Variants in CSMD1 observed in about 807,000 individuals in gnomAD.
CSMD1 encodes CUB and sushi domain-containing protein 1.
In CSMD1, 213 loss-of-function variants were observed where a neutral mutation model predicts 417.5. The ratio of observed to expected loss-of-function variants is 0.51; its 90% CI spans 0.46 to 0.57. The LOEUF is 0.57. Among genes scored for constraint, CSMD1 ranks in the 20% least tolerant of loss-of-function variants. The pLI, the probability that CSMD1 is intolerant of heterozygous loss-of-function variation, is 0.00. For missense variants in CSMD1, 6,923 were observed against 4,529.7 expected (o/e 1.53, Z -15.17); for synonymous variants, 2,862 against 1,736.8 (o/e 1.65, Z -16.11).
At chr8:3,554,881 T>C (rs932664145) in intron 10 of CSMD1, among the ~76,000 whole-genome samples, 2 of 152,004 alleles carry the variant, frequency 1.3e-5, no homozygotes, top group Admixed American at 6.5e-5. Context: ...CCTGCAGTGG[T>C]GAGAGTGTCA....
chr8:3,712,189 A>C (rs576944064), intron 6 of CSMD1, among the ~76,000 whole-genome samples: 15 of 152,124 alleles, frequency 9.9e-5, no homozygotes, highest in African/African-American at 2.9e-4. Context: ...CAGCTCTGCT[A>C]ATCTTGGCAA....
rs1018049702 is a variant in CSMD1, at chr8:3,190,503, C to A, written c.5195-388G>T. On this transcript the variant is annotated intron_variant, in intron 33 of 69. Transcript: ENST00000635120. ...TGCTAGTGATAATGAGATGACTAAC[C>A]ATGCGTACTTGTCCTCACAGGCCTC... Among the ~76,000 whole-genome samples the A allele has an allele frequency of 7.2e-5, 11 of 152,128 alleles. No homozygotes were observed. The East Asian group carries it at 2.1e-3, about 29-fold the overall frequency.
At chr8:4,067,556 G>A (rs111906153) in intron 3 of CSMD1, among the ~76,000 whole-genome samples, 1,923 of 151,942 alleles carry the variant, frequency 0.013, 13 homozygotes, top group Non-Finnish European at 0.021. Flanking sequence ...TGTACCTAAA[G>A]CCAGAATAAG....
chr8:3,177,263 C>A (rs1820999636), intron 37 of CSMD1, among the ~76,000 whole-genome samples: 1 of 152,170 alleles, frequency 6.6e-6, no homozygotes, highest in Admixed American at 6.5e-5. Context: ...TGTGCCCTTC[C>A]ACCCACAGGC....
intron 1 of CSMD1, among the ~76,000 whole-genome samples, chr8:4,828,965 T>C (rs1053203627): frequency 2.6e-5 from 4 of 152,198 alleles, no homozygotes; most frequent in South Asian, 2.1e-4. Context: ...ATTCCTGTAA[T>C]AGTAACCTGA....
At chr8:3,673,853 C>T (rs1043578085) in intron 7 of CSMD1, among the ~76,000 whole-genome samples, 1 of 152,138 alleles carries the variant, frequency 6.6e-6, no homozygotes, top group Non-Finnish European at 1.5e-5. Context: ...CATGGTGGCT[C>T]ACCCCTGTAA....
intron 3 of CSMD1, among the ~76,000 whole-genome samples, chr8:4,084,716 G>T (rs996126221): frequency 1.3e-5 from 2 of 151,900 alleles, no homozygotes; most frequent in Non-Finnish European, 2.9e-5. Context: ...AACAGAAAAA[G>T]CAGCCCCTCT....
chr8:4,079,055 G>C (rs754822710), intron 3 of CSMD1, among the ~76,000 whole-genome samples: 2 of 151,502 alleles, frequency 1.3e-5, no homozygotes, highest in Non-Finnish European at 2.9e-5. Flanking sequence ...CACAAGAGTG[G>C]TCCCGAATGG....
chr8:4,815,995 G>T (rs939941938), intron 1 of CSMD1, among the ~76,000 whole-genome samples: 1 of 152,076 alleles, frequency 6.6e-6, no homozygotes, highest in South Asian at 2.1e-4. Context: ...GAAATGAAAA[G>T]TACAAAAATG....
chr8:4,209,565 G>T (rs186609758), intron 3 of CSMD1, among the ~76,000 whole-genome samples: 47 of 152,138 alleles, frequency 3.1e-4, no homozygotes, highest in Non-Finnish European at 6.3e-4. Flanking sequence ...TGCCTCTTCT[G>T]GCATTTGTCC....
chr8:3,988,566 T>C (rs550817726), intron 5 of CSMD1, among the ~76,000 whole-genome samples: 1 of 152,196 alleles, frequency 6.6e-6, no homozygotes, highest in Non-Finnish European at 1.5e-5. Context: ...TAGATCACGG[T>C]CTGCATTTTG....
At chr8:3,724,350 G>C (rs984017998) in intron 6 of CSMD1, among the ~76,000 whole-genome samples, 2 of 151,968 alleles carry the variant, frequency 1.3e-5, no homozygotes, top group Admixed American at 6.6e-5. Context: ...CCGGGTTTTT[G>C]TTTGGTCAAA....
chr8:4,918,478 A>G (rs545247344), intron 1 of CSMD1, among the ~76,000 whole-genome samples: 14 of 152,308 alleles, frequency 9.2e-5, no homozygotes, highest in South Asian at 4.1e-4. Context: ...AACTTTCTGC[A>G]CAATGTGTAT....
At chr8:3,106,166 G>T (rs945635102) in intron 46 of CSMD1, among the ~76,000 whole-genome samples, 3 of 149,922 alleles carry the variant, frequency 2.0e-5, no homozygotes, top group Non-Finnish European at 4.4e-5. Context: ...CAGGTAGATA[G>T]CTCGAGTCCA....
chr8:4,623,970 C>T (rs1206137541), intron 2 of CSMD1, among the ~76,000 whole-genome samples: 1 of 152,084 alleles, frequency 6.6e-6, no homozygotes, highest in Non-Finnish European at 1.5e-5. Context: ...TTTTCAATAT[C>T]TGCACTTTAT....
Position 3,359,301 on chromosome 8 carries a change from G to C in CSMD1, c.3155C>G (p.Ala1052Gly). The C allele has an allele frequency of 6.2e-7, 1 of 1,613,798 alleles. No homozygotes were observed. The highest frequency in any genetic ancestry group is 8.5e-7 in the Non-Finnish European group (1 of 1,179,826). Reference sequence around the variant, plus strand: ...GTGAAAACCAATTCTTCGGCTGAAGGCAGGGACTCCAGGATCATCACATGG... The same window carrying C: ...GTGAAAACCAATTCTTCGGCTGAAGCCAGGGACTCCAGGATCATCACATGG... ...LEPCDDPGVP[A>G]FSRRIGFHFG... is the part of the protein sequence containing the mutation. The change falls in exon 21 of 70, where the codon GCC (alanine) becomes GGC (glycine). Residue 1052 changes from alanine to glycine, a missense_variant. Transcript: ENST00000635120.
At chr8:3,202,357 T>C (rs911879791) in intron 31 of CSMD1, among the ~76,000 whole-genome samples, 1 of 152,238 alleles carries the variant, frequency 6.6e-6, no homozygotes, top group African/African-American at 2.4e-5. Flanking sequence ...CACTGACTTA[T>C]ACACGTGATT....
chr8:3,782,703 T>A (rs1285943411), intron 5 of CSMD1, among the ~76,000 whole-genome samples: 2 of 152,188 alleles, frequency 1.3e-5, no homozygotes, highest in East Asian at 3.9e-4. Context: ...CTAATAGTTT[T>A]TGGCTAGGTT....
chr8:4,564,624 A>G (rs888655007), intron 2 of CSMD1, among the ~76,000 whole-genome samples: 1 of 152,234 alleles, frequency 6.6e-6, no homozygotes, highest in Non-Finnish European at 1.5e-5. Context: ...AAGTTTTGTC[A>G]CATAAACTAA....
Sources: gnomAD v4.1 joint callset for allele counts (sites outside exome capture counted in the v4.1 genomes callset) on GRCh38, gnomAD v4.1.1 for gene constraint, MANE v1.5 for transcripts, NCBI Gene and HGNC (gene_info 2026-07-23, HGNC 2026-07-21) for gene names.